The following ZNF81 variants were observed in gnomAD, a reference collection of about 807,000 sequenced individuals.
ZNF81 encodes zinc finger protein 81, also known as zinc finger protein 81 (HFZ20).
ZNF81 carries 5 observed loss-of-function variants against 32.3 expected under a neutral mutation model. That is an observed-to-expected ratio of 0.15 (90% confidence interval 0.08 to 0.33). The LOEUF (loss-of-function observed/expected upper bound fraction) is 0.33. Ranked by LOEUF, ZNF81 falls within the 10% of genes least tolerant of loss-of-function variation. ZNF81 has a pLI of 1.00. For missense variants in ZNF81, 379 were observed against 479.8 expected, an observed-to-expected ratio of 0.79 and a Z score of 1.96; for synonymous variants, 163 against 166.8, an observed-to-expected ratio of 0.98 and a Z score of 0.17.
intron 2 of ZNF81, among the ~76,000 whole-genome samples, chrX:47,847,674 C>A (rs1416177759): frequency 8.9e-6 from 1 of 111,903 alleles, no homozygotes; most frequent in East Asian, 2.8e-4. Context: ...CTTGTGTCTT[C>A]ATCTTCCTTG....
chrX:47,914,800 G>C, intron 4 of ZNF81, 124 bp from the exon 5 acceptor site: 1 of 647,539 alleles, frequency 1.5e-6, no homozygotes, highest in South Asian at 2.9e-5. Flanking sequence ...TGTATTTCCT[G>C]TCATCATTGT....
At chrX:47,873,959 T>G (rs1556884223) in intron 2 of ZNF81, among the ~76,000 whole-genome samples, 1 of 112,170 alleles carries the variant, frequency 8.9e-6, no homozygotes, top group African/African-American at 3.2e-5. Context: ...TGAGCCACCA[T>G]GCCTGGCCTT....
At chrX:47,843,763 G>T (rs1556880108) in intron 1 of ZNF81, among the ~76,000 whole-genome samples, 1 of 111,877 alleles carries the variant, frequency 8.9e-6, no homozygotes, top group Non-Finnish European at 1.9e-5. Flanking sequence ...GGGCTCAAGC[G>T]ATCCTCCCAC....
intron 2 of ZNF81, among the ~76,000 whole-genome samples, chrX:47,879,819 A>G (rs928282301): frequency 8.9e-6 from 1 of 111,827 alleles, no homozygotes; most frequent in South Asian, 3.8e-4. Context: ...CCATCTCCCA[A>G]CAGCCTCTCA....
At chrX:47,871,827 G>A (rs1390093725) in intron 2 of ZNF81, among the ~76,000 whole-genome samples, 1 of 111,992 alleles carries the variant, frequency 8.9e-6, no homozygotes, top group Admixed American at 9.5e-5. Flanking sequence ...GCTGCTGCTC[G>A]GGGGCATCCA....
At chrX:47,881,530 C>T (rs1293294711) in intron 2 of ZNF81, among the ~76,000 whole-genome samples, 1 of 112,094 alleles carries the variant, frequency 8.9e-6, no homozygotes, top group East Asian at 2.8e-4. Flanking sequence ...AAATAGTATT[C>T]TCTCTTTTTT....
intron 1 of ZNF81, among the ~76,000 whole-genome samples, chrX:47,839,060 C>T: frequency 8.9e-6 from 1 of 112,399 alleles, no homozygotes; most frequent in South Asian, 3.7e-4. Flanking sequence ...GCTGGGATTA[C>T]AGGTGTTAGC....
chrX:47,910,434 C>T (rs1170833207), intron 4 of ZNF81, among the ~76,000 whole-genome samples: 2 of 111,486 alleles, frequency 1.8e-5, no homozygotes, highest in Non-Finnish European at 3.8e-5. Flanking sequence ...AGGATATGAA[C>T]AGACACTTCT....
chrX:47,878,481 G>A (rs1383058781), intron 2 of ZNF81, among the ~76,000 whole-genome samples: 1 of 112,426 alleles, frequency 8.9e-6, no homozygotes, highest in Non-Finnish European at 1.9e-5. Flanking sequence ...TCTGTATCAG[G>A]CATTCCCCTC....
rs1051631186 is a variant in ZNF81 at position 47,922,502 on chromosome X, T to A, written c.*5870T>A. The stretch of plus-strand genomic sequence containing the variant: ...TTTTTGTCACTGGGAACAATGCTGC[T>A]AAAAATATTAAAAGATAGTTTGCAT... On this transcript the variant is annotated 3_prime_UTR_variant, in exon 5 of 5. Transcript: ENST00000338637. 8.9e-6 allele frequency among the ~76,000 whole-genome samples: 1 copy of A among 111,947 alleles called. No individual in the cohort carries two copies. Among genetic ancestry groups the A allele is most frequent in the Non-Finnish European group, 1.9e-5 (1 of 53,177 alleles).
intron 4 of ZNF81, among the ~76,000 whole-genome samples, chrX:47,914,697 G>A (rs1390376414): frequency 9.0e-6 from 1 of 111,471 alleles, no homozygotes; most frequent in African/African-American, 3.3e-5. Context: ...TACCCCTGTT[G>A]TCAAGCAATG....
At chrX:47,846,073 T>C in intron 1 of ZNF81, 32 bp from the exon 2 acceptor site, 1 of 516,301 alleles carries the variant, frequency 1.9e-6, no homozygotes, top group Non-Finnish European at 3.4e-6. Flanking sequence ...AAGTGCTATC[T>C]GCCTCTGATC....
chrX:47,866,515 C>T (rs950232420), intron 2 of ZNF81, among the ~76,000 whole-genome samples: 1 of 111,873 alleles, frequency 8.9e-6, no homozygotes, highest in Admixed American at 9.5e-5. Flanking sequence ...ACTGATAGCA[C>T]CATTTGCTGT....
At chrX:47,891,077 CTAAA>C (rs2058660798) in intron 3 of ZNF81, among the ~76,000 whole-genome samples, 1 of 112,280 alleles carries the variant, frequency 8.9e-6, no homozygotes, top group African/African-American at 3.2e-5. Flanking sequence ...TGCCTGCAGA[CTAAA>C]TAATGACATA....
At chrX:47,912,025 ACT>A (rs1391886418) in intron 4 of ZNF81, among the ~76,000 whole-genome samples, 3 of 107,947 alleles carry the variant, frequency 2.8e-5, no homozygotes, top group African/African-American at 1.1e-4. Flanking sequence ...TAGAGTGATG[ACT>A]CTTCATTTAC....
intron 1 of ZNF81, among the ~76,000 whole-genome samples, chrX:47,840,338 T>C: frequency 1.3e-5 from 1 of 78,721 alleles, no homozygotes; most frequent in Non-Finnish European, 2.5e-5. Context: ...GGATAGAAGA[T>C]GCAGCAAAGC....
At chrX:47,841,872 G>GAGGTGGGAGCTTTTTTCT (rs1556879827) in intron 1 of ZNF81, among the ~76,000 whole-genome samples, 1 of 111,321 alleles carries the variant, frequency 9.0e-6, no homozygotes, top group Admixed American at 9.5e-5. Context: ...CGCTTAGTTT[G>GAGGTGGGAGCTTTTTTCT]AGTTTTCTTT....
chrX:47,873,753 G>A (rs1355503056), intron 2 of ZNF81, among the ~76,000 whole-genome samples: 3 of 111,499 alleles, frequency 2.7e-5, no homozygotes, highest in Admixed American at 9.5e-5. Context: ...TGCAACCTCC[G>A]CCTCCTGGGT....
At chrX:47,865,383 A>T (rs2058556119) in intron 2 of ZNF81, among the ~76,000 whole-genome samples, 1 of 112,071 alleles carries the variant, frequency 8.9e-6, no homozygotes, top group African/African-American at 3.2e-5. Context: ...GCTAATAGCT[A>T]TCTTTCGTAA....
Sources: gnomAD v4.1 joint callset for allele counts (sites outside exome capture counted in the v4.1 genomes callset) on GRCh38, gnomAD v4.1.1 for gene constraint, MANE v1.5 for transcripts, NCBI Gene and HGNC (gene_info 2026-07-23, HGNC 2026-07-21) for gene names.